TRPC6: variants seen among roughly 807,000 people sequenced by gnomAD.
The protein encoded by TRPC6 is short transient receptor potential channel 6.
Under a neutral mutation model 90.7 loss-of-function variants are expected in TRPC6, and 55 were observed. That is an observed-to-expected ratio of 0.61 (90% confidence interval 0.49 to 0.76). The LOEUF is 0.76. Ranked by LOEUF, TRPC6 falls within the 30% of genes least tolerant of loss-of-function variation. The pLI is 0.00. For missense variants in TRPC6, 989 were observed against 1,122.7 expected (o/e 0.88, Z 1.70); for synonymous variants, 393 against 393.0 (o/e 1.00, Z 0.00).
In TRPC6 at chr11:101,455,055, T is replaced by C; in HGVS notation, c.2531A>G (p.His844Arg). 2 of 1,612,754 alleles carry C rather than the reference T, an allele frequency of 1.2e-6. No homozygotes were observed. Among genetic ancestry groups the C allele is most frequent in the Non-Finnish European group, 1.7e-6 (2 of 1,179,148 alleles). The change falls in exon 11 of 13, where the codon CAT (histidine) becomes CGT (arginine). Residue 844 changes from histidine (H) to arginine (R), a missense_variant. By Grantham distance (29) the His-to-Arg change is conservative. This residue lies in a region of TRPC6 where 191 missense variants were observed against 196.7 expected (regional missense o/e 0.97). Coordinates refer to ENST00000344327, the MANE Select transcript of TRPC6 (RefSeq NM_004621.6). Reference sequence around the variant, plus strand: ...TGGAGGATTATTGAAACTATTTAGATGGAAATCTTCTGAGCTCCTTATACT... The same window carrying C: ...TGGAGGATTATTGAAACTATTTAGACGGAAATCTTCTGAGCTCCTTATACT... ...QPSIRSSEDF[H>R]LNSFNNPPRQ... is the part of the protein sequence containing the mutation.
chr11:101,531,084 G>GCATA (rs1210490255), intron 1 of TRPC6, among the ~76,000 whole-genome samples: 9 of 152,120 alleles, frequency 5.9e-5, no homozygotes, highest in African/African-American at 2.2e-4. Context: ...GTTGCTTAAT[G>GCATA]CATACACACA....
At chr11:101,545,840 T>C (rs1289778763) in intron 1 of TRPC6, among the ~76,000 whole-genome samples, 1 of 152,112 alleles carries the variant, frequency 6.6e-6, no homozygotes, top group Non-Finnish European at 1.5e-5. Flanking sequence ...CTACTAAACA[T>C]AGGAATCAAT....
At chr11:101,526,499 C>A (rs1455148111) in intron 1 of TRPC6, among the ~76,000 whole-genome samples, 5 of 152,010 alleles carry the variant, frequency 3.3e-5, no homozygotes, top group African/African-American at 1.2e-4. Flanking sequence ...ATGTGTTATT[C>A]CTAAACTTTC....
intron 1 of TRPC6, 117 bp from the exon 2 acceptor site, chr11:101,504,915 C>G: frequency 8.8e-7 from 1 of 1,134,548 alleles, no homozygotes; most frequent in Non-Finnish European, 1.2e-6. Context: ...CTCATCATCT[C>G]TAGACCTACT....
intron 1 of TRPC6, among the ~76,000 whole-genome samples, chr11:101,538,601 T>C (rs1453068747): frequency 6.6e-6 from 1 of 152,240 alleles, no homozygotes; most frequent in Non-Finnish European, 1.5e-5. Context: ...AAATAAAGTC[T>C]GGAGATATTT....
At position 101,455,101 on chromosome 11, in the gene TRPC6, C is replaced by T. The variant is rs201149400; in HGVS notation, c.2485G>A (p.Val829Ile). Residue 829 changes from valine (V) to isoleucine (I), a missense_variant and splice_region_variant, in exon 11 of 13, where the codon GTT (valine) becomes ATT (isoleucine). Physicochemically the swap from Val to Ile is conservative, Grantham distance 29 (BLOSUM62 3). Coordinates refer to ENST00000344327, the MANE Select transcript of TRPC6 (RefSeq NM_004621.6). ...ATACTTGGTTGTTTATTGTGCCCAA[C>T]CTGTAATTTGAAAAGATTTAGAAAT... ...LSKLSLDKKQ[V>I]GHNKQPSIRS... 6.2e-7 allele frequency: 1 copy of T among 1,610,982 alleles called. No individual in the cohort carries two copies. The highest frequency in any genetic ancestry group is 1.1e-5 in the South Asian group (1 of 91,000).
At chr11:101,576,120 T>G (rs1476650799) in intron 1 of TRPC6, among the ~76,000 whole-genome samples, 3 of 152,318 alleles carry the variant, frequency 2.0e-5, no homozygotes, top group Non-Finnish European at 4.4e-5. Flanking sequence ...TTACTGCACA[T>G]TGTTTAACAT....
intron 1 of TRPC6, among the ~76,000 whole-genome samples, chr11:101,541,035 G>C (rs1413558757): frequency 1.2e-4 from 19 of 152,158 alleles, no homozygotes; most frequent in Admixed American, 3.9e-4. Context: ...AGTCATCGTA[G>C]GCTAACAGAG....
chr11:101,489,593 T>C (rs1199127179), intron 3 of TRPC6, among the ~76,000 whole-genome samples: 2 of 151,976 alleles, frequency 1.3e-5, no homozygotes, highest in Non-Finnish European at 2.9e-5. Context: ...CTTTTATTCT[T>C]GTGCCAAAAA....
intron 2 of TRPC6, among the ~76,000 whole-genome samples, chr11:101,498,966 T>C (rs571620571): frequency 6.6e-6 from 1 of 152,234 alleles, no homozygotes; most frequent in African/African-American, 2.4e-5. Flanking sequence ...AGCTTAATGA[T>C]AGAAATGCAG....
chr11:101,455,923 T>C (rs1328063043), intron 10 of TRPC6, among the ~76,000 whole-genome samples: 1 of 152,138 alleles, frequency 6.6e-6, no homozygotes, highest in African/African-American at 2.4e-5. Flanking sequence ...ACATAAGCAA[T>C]TATGGTATAG....
At chr11:101,488,801 T>C in intron 4 of TRPC6, 136 bp downstream of exon 4, 1 of 946,882 alleles carries the variant, frequency 1.1e-6, no homozygotes, top group South Asian at 1.5e-5. Context: ...CAGGAATTAT[T>C]TTGTAATGTT....
intron 1 of TRPC6, among the ~76,000 whole-genome samples, chr11:101,513,197 T>C (rs546273321): frequency 2.0e-5 from 3 of 152,330 alleles, no homozygotes; most frequent in Admixed American, 2.0e-4. Context: ...CTCACTCTCC[T>C]GCCCTCTGAT....
intron 1 of TRPC6, among the ~76,000 whole-genome samples, chr11:101,519,571 C>A (rs1313170653): frequency 6.6e-6 from 1 of 151,978 alleles, no homozygotes; most frequent in Non-Finnish European, 1.5e-5. Context: ...CCATCTTGAT[C>A]CTTATGTCAG....
chr11:101,566,358 G>T (rs1861830573), intron 1 of TRPC6, among the ~76,000 whole-genome samples: 1 of 151,952 alleles, frequency 6.6e-6, no homozygotes, highest in African/African-American at 2.4e-5. Context: ...TTGGTCTCAG[G>T]AAGTTTAGTT....
intron 3 of TRPC6, 109 bp from the exon 4 acceptor site, chr11:101,489,210 A>AGGG: frequency 9.8e-7 from 1 of 1,018,590 alleles, no homozygotes; most frequent in Non-Finnish European, 1.5e-6. Flanking sequence ...ACATTGTTAG[A>AGGG]ATTAAAGAAC....
intron 1 of TRPC6, among the ~76,000 whole-genome samples, chr11:101,513,312 A>G (rs1860439377): frequency 6.6e-6 from 1 of 152,224 alleles, no homozygotes; most frequent in Non-Finnish European, 1.5e-5. Flanking sequence ...TTCCACAGTC[A>G]GTGAACAGTA....
At chr11:101,575,011 T>C (rs946435101) in intron 1 of TRPC6, among the ~76,000 whole-genome samples, 23 of 152,190 alleles carry the variant, frequency 1.5e-4, no homozygotes, top group Admixed American at 5.9e-4. Flanking sequence ...CTGCTTTGAA[T>C]AGGCAGTCAA....
chr11:101,502,331 C>T (rs1200393295), intron 2 of TRPC6, among the ~76,000 whole-genome samples: 1 of 152,198 alleles, frequency 6.6e-6, no homozygotes. Flanking sequence ...TTTTCTATCA[C>T]ATTGGATTAT....
Sources: gnomAD v4.1 joint callset for allele counts (sites outside exome capture counted in the v4.1 genomes callset) on GRCh38, gnomAD v4.1.1 for gene constraint, gnomAD v4.1.1 regional missense constraint, MANE v1.5 for transcripts, NCBI Gene and HGNC (gene_info 2026-07-23, HGNC 2026-07-21) for gene names.